Variants in OTUD7B observed in about 807,000 individuals in gnomAD.
OTUD7B encodes the protein OTU domain-containing protein 7B.
Under a neutral mutation model 82.2 loss-of-function variants are expected in OTUD7B, and 34 were observed. The observed-to-expected ratio is 0.41, with a 90% CI of 0.31 to 0.55. The LOEUF is 0.55. OTUD7B is among the 20% of genes least tolerant of loss of function. The probability of loss-of-function intolerance (pLI) is 0.20; values close to 1 mark genes in which losing one functional copy is unlikely to be tolerated. For missense variants in OTUD7B, 944 were observed against 1,062.1 expected, an observed-to-expected ratio of 0.89 and a Z score of 1.55; for synonymous variants, 398 against 402.7, an observed-to-expected ratio of 0.99 and a Z score of 0.14.
upstream of OTUD7B, among the ~76,000 whole-genome samples, chr1:150,013,920 CAAA>C (rs1207073066): frequency 8.3e-3 from 451 of 54,598 alleles, 15 homozygotes; most frequent in African/African-American, 0.039. Flanking sequence ...GACTCTGTCT[CAAA>C]AAAAAAAAAA....
the OTUD7B span, among the ~76,000 whole-genome samples, chr1:150,024,160 A>T: frequency 2.0e-5 from 3 of 152,252 alleles, no homozygotes; most frequent in Non-Finnish European, 4.4e-5. Context: ...ATTCCATTCC[A>T]CAAGTTAAAT....
At chr1:150,035,732 C>T in the OTUD7B span, among the ~76,000 whole-genome samples, 1 of 152,124 alleles carries the variant, frequency 6.6e-6, no homozygotes, top group Non-Finnish European at 1.5e-5. Flanking sequence ...CTAACAATAT[C>T]CTCATGGGAC....
intron 7 of OTUD7B, among the ~76,000 whole-genome samples, chr1:149,952,613 A>C (rs1480508514): frequency 2.0e-5 from 3 of 152,242 alleles, no homozygotes; most frequent in Admixed American, 2.0e-4. Flanking sequence ...TAGAACCTTG[A>C]GGAATCGCCA....
intron 1 of OTUD7B, among the ~76,000 whole-genome samples, chr1:149,996,740 T>C (rs1651949812): frequency 6.6e-6 from 1 of 152,240 alleles, no homozygotes; most frequent in Non-Finnish European, 1.5e-5. Context: ...ATAAAATGTT[T>C]AGTATAACTC....
At chr1:150,052,607 G>A in the OTUD7B span, among the ~76,000 whole-genome samples, 1 of 152,140 alleles carries the variant, frequency 6.6e-6, no homozygotes, top group Non-Finnish European at 1.5e-5. Context: ...GCAATTTACA[G>A]ATAAAATGTT....
At chr1:150,062,708 C>CTTTTTTT in the OTUD7B span, among the ~76,000 whole-genome samples, 74 of 96,034 alleles carry the variant, frequency 7.7e-4, no homozygotes, top group African/African-American at 9.3e-4. Context: ...CTTCTTCTTT[C>CTTTTTTT]TTTTTTTTTT....
chr1:149,987,853 CA>C (rs1651258925), intron 1 of OTUD7B, among the ~76,000 whole-genome samples: 1 of 152,132 alleles, frequency 6.6e-6, no homozygotes, highest in Non-Finnish European at 1.5e-5. Flanking sequence ...TCAAAAATAA[CA>C]GCAAAAGAAA....
chr1:150,016,910 C>T, the OTUD7B span, among the ~76,000 whole-genome samples: 1 of 152,200 alleles, frequency 6.6e-6, no homozygotes, highest in South Asian at 2.1e-4. Flanking sequence ...CATGTTACCA[C>T]CCAACTGTCT....
rs1388877490 is a variant in OTUD7B at position 149,951,001 on chromosome 1, T to TTTTTTTTTG, written c.846-781_846-780insCAAAAAAAA. ...TATTTTTTTTTTTTTTTTTTTTTTG[T>TTTTTTTTTG]AGATGGAGTCTCACTCTTTCGCCCA... On this transcript the variant is annotated intron_variant, in intron 7 of 11. Coordinates refer to ENST00000581312, the MANE Select transcript of OTUD7B (RefSeq NM_020205.4). Among the ~76,000 whole-genome samples, 141 of 63,614 alleles carry TTTTTTTTTG rather than the reference T, an allele frequency of 2.2e-3. 13 individuals are homozygous for TTTTTTTTTG. Among genetic ancestry groups the TTTTTTTTTG allele is most frequent in the Middle Eastern group, 0.019 (1 of 54 alleles). The allele number at this position is 63,614 out of a possible 152,430, so 41.7% of individuals were successfully genotyped here.
intron 7 of OTUD7B, among the ~76,000 whole-genome samples, chr1:149,955,399 C>A (rs1198683448): frequency 4.6e-5 from 7 of 152,220 alleles, no homozygotes; most frequent in African/African-American, 1.7e-4. Context: ...GCACTGTGGT[C>A]TGACAGACAG....
chr1:149,969,138 C>T (rs1177874329), intron 3 of OTUD7B, among the ~76,000 whole-genome samples: 1 of 152,080 alleles, frequency 6.6e-6, no homozygotes, highest in Non-Finnish European at 1.5e-5. Context: ...ACCTGGGCAA[C>T]AGAGTGAGAC....
At chr1:149,977,023 A>G (rs1186517942) in intron 2 of OTUD7B, among the ~76,000 whole-genome samples, 1 of 152,162 alleles carries the variant, frequency 6.6e-6, no homozygotes, top group Non-Finnish European at 1.5e-5. Context: ...CAGGAGTCTG[A>G]GGCAGGAGAA....
upstream of OTUD7B, among the ~76,000 whole-genome samples, chr1:150,014,078 G>GTATATATA (rs1278683877): frequency 7.5e-5 from 2 of 26,566 alleles, no homozygotes; most frequent in Non-Finnish European, 1.4e-4. Context: ...GTGTGTGTGT[G>GTATATATA]TGTGTGTATA....
At chr1:150,020,725 G>T in the OTUD7B span, among the ~76,000 whole-genome samples, 1 of 152,108 alleles carries the variant, frequency 6.6e-6, no homozygotes, top group Non-Finnish European at 1.5e-5. Flanking sequence ...GAAAAACTTT[G>T]ATTACAAACT....
chr1:149,980,956 A>G (rs1238327852), intron 1 of OTUD7B, among the ~76,000 whole-genome samples: 2 of 143,380 alleles, frequency 1.4e-5, no homozygotes, highest in African/African-American at 5.1e-5. Context: ...AAGGCTATAT[A>G]GTGTGCGACA....
the OTUD7B span, among the ~76,000 whole-genome samples, chr1:150,056,858 C>T: frequency 6.6e-6 from 1 of 152,062 alleles, no homozygotes; most frequent in Non-Finnish European, 1.5e-5. Flanking sequence ...TAGATAAACA[C>T]CAATTGTTGC....
In OTUD7B at chr1:149,944,537, C is replaced by G; in HGVS notation, c.1852G>C (p.Gly618Arg). The G allele has an allele frequency of 6.2e-7, 1 of 1,614,070 alleles. No homozygotes were observed. Among genetic ancestry groups the G allele is most frequent in the Non-Finnish European group, 8.5e-7 (1 of 1,180,010 alleles). ...KFIFVGTLKM[G>R]HRHQYQEEMI... Reference sequence around the variant, plus strand: ...TCCTCCTGATACTGGTGACGGTGACCCATCTTCAGGGTTCCAACAAAAATA... The same window carrying G: ...TCCTCCTGATACTGGTGACGGTGACGCATCTTCAGGGTTCCAACAAAAATA... The change falls in exon 12 of 12, where the codon GGT (glycine) becomes CGT (arginine). Residue 618 changes from glycine to arginine, a missense_variant. Coordinates refer to ENST00000581312, the MANE Select transcript of OTUD7B (RefSeq NM_020205.4).
At chr1:149,991,916 G>C (rs1044239421) in intron 1 of OTUD7B, among the ~76,000 whole-genome samples, 1 of 152,228 alleles carries the variant, frequency 6.6e-6, no homozygotes, top group South Asian at 2.1e-4. Flanking sequence ...GCCATATTTA[G>C]GAAAGGAAAT....
At chr1:150,009,954 CAA>C (rs1350188782) in intron 1 of OTUD7B, among the ~76,000 whole-genome samples, 2 of 150,600 alleles carry the variant, frequency 1.3e-5, no homozygotes, top group African/African-American at 5.0e-5. Flanking sequence ...CACACACACA[CAA>C]ACACACACAC....
Sources: gnomAD v4.1 joint callset for allele counts (sites outside exome capture counted in the v4.1 genomes callset) on GRCh38, gnomAD v4.1.1 for gene constraint, MANE v1.5 for transcripts, NCBI Gene and HGNC (gene_info 2026-07-23, HGNC 2026-07-21) for gene names.